The following ASTN2 variants were observed in gnomAD, a reference collection of about 807,000 sequenced individuals.
The protein encoded by ASTN2 is astrotactin 2.
A neutral mutation model predicts 139.8 loss-of-function variants in ASTN2; 54 were observed. That is an observed-to-expected ratio of 0.39 (90% CI 0.31 to 0.48). The LOEUF (loss-of-function observed/expected upper bound fraction) is 0.48, where lower values mean the gene tolerates loss of function less well. ASTN2 is among the 20% of genes least tolerant of loss of function. The probability of loss-of-function intolerance (pLI) is 0.95; values close to 1 mark genes in which losing one functional copy is unlikely to be tolerated. For synonymous variants in ASTN2, 756 were observed against 719.5 expected, an observed-to-expected ratio of 1.05 and a Z score of -0.81; for missense variants, 1,565 against 1,725.1, an observed-to-expected ratio of 0.91 and a Z score of 1.64.
chr9:117,374,369 T>TAAAAAAAAAAAAAAAAAAAAA (rs57428022), intron 1 of ASTN2, among the ~76,000 whole-genome samples: 2 of 87,328 alleles, frequency 2.3e-5, no homozygotes, highest in African/African-American at 1.1e-4. Flanking sequence ...AGGGCAGGGT[T>TAAAAAAAAAAAAAAAAAAAAA]AAAAAAAAAA....
chr9:117,331,867 T>C (rs2130850248), intron 1 of ASTN2, among the ~76,000 whole-genome samples: 2 of 152,240 alleles, frequency 1.3e-5, no homozygotes, highest in African/African-American at 4.8e-5. Flanking sequence ...AGAAAGATAA[T>C]TACCTTCCTC....
At position 116,917,614 on chromosome 9, in the gene ASTN2, A is replaced by G. The variant is rs551729275; in HGVS notation, c.1890-53881T>C. Among the ~76,000 whole-genome samples, 4 of 152,332 alleles carry G rather than the reference A, an allele frequency of 2.6e-5. No individual in the cohort carries two copies. The East Asian group carries it at 7.7e-4, about 29-fold the overall frequency. On this transcript the variant is annotated intron_variant, in intron 10 of 22. Transcript: ENST00000313400. ...CCTCATCCCAAACCCTCTACATAAG[A>G]ATCTGCAACTTGCCATGTTCTGGTC...
At chr9:116,594,221 C>T (rs989398845) in intron 19 of ASTN2, among the ~76,000 whole-genome samples, 1 of 152,216 alleles carries the variant, frequency 6.6e-6, no homozygotes, top group Non-Finnish European at 1.5e-5. Flanking sequence ...CATCCCTGTA[C>T]TGGCTTTTTC....
rs28561762 is a variant in ASTN2 at position 117,276,253 on chromosome 9, A to C, written c.630+15073T>G. ...CACTACTTTACATTTGAGGAAACCA[A>C]GGCTCAGGAGAAGGCAAGTAGCTAG... is the stretch of plus-strand genomic sequence containing the variant. On this transcript the variant is annotated intron_variant, in intron 2 of 22. Transcript: ENST00000313400. 7.7e-3 allele frequency among the ~76,000 whole-genome samples: 1,173 copies of C among 152,324 alleles called. 16 individuals carry two copies. Among genetic ancestry groups the C allele is most frequent in the African/African-American group, 0.026 (1,092 of 41,576 alleles).
At chr9:117,048,430 C>T (rs1235536675) in intron 5 of ASTN2, among the ~76,000 whole-genome samples, 6 of 152,182 alleles carry the variant, frequency 3.9e-5, no homozygotes, top group Non-Finnish European at 7.3e-5. Flanking sequence ...TTGACAAAGC[C>T]ACTGGGGAAC....
Position 117,042,863 on chromosome 9 carries a change from T to TTG in ASTN2, c.1277-2899_1277-2898insCA, listed in dbSNP as rs1564398266. Among the ~76,000 whole-genome samples the TTG allele has an allele frequency of 1.1e-3, 164 of 152,184 alleles. 1 individual carries two copies. The highest frequency in any genetic ancestry group is 3.8e-3 in the African/African-American group (159 of 41,512). On this transcript the variant is annotated intron_variant, in intron 5 of 22. Coordinates refer to ENST00000313400, the MANE Select transcript of ASTN2 (RefSeq NM_001365068.1). ...ACTGGAGTTTTTTGTTGTTGTTGTT[T>TTG]TTTGTTTTGCTTGTTTGCTTGTTTT...
intron 3 of ASTN2, among the ~76,000 whole-genome samples, chr9:117,186,932 T>C (rs539667160): frequency 1.1e-4 from 17 of 152,234 alleles, no homozygotes; most frequent in Non-Finnish European, 2.4e-4. Flanking sequence ...AGTTTGAGAC[T>C]GGCCTGGCCA....
intron 20 of ASTN2, among the ~76,000 whole-genome samples, chr9:116,480,101 G>A (rs569569157): frequency 5.0e-4 from 76 of 151,610 alleles, no homozygotes; most frequent in African/African-American, 1.8e-3. Flanking sequence ...AAGGAAGGAA[G>A]GATGGGTGAA....
At chr9:116,598,380 C>T (rs1854695837) in intron 19 of ASTN2, among the ~76,000 whole-genome samples, 1 of 152,178 alleles carries the variant, frequency 6.6e-6, no homozygotes, top group Non-Finnish European at 1.5e-5. Context: ...CCAGGAGACT[C>T]AGGGGAAGTT....
intron 16 of ASTN2, among the ~76,000 whole-genome samples, chr9:116,680,428 C>T (rs892027587): frequency 2.6e-5 from 4 of 152,068 alleles, no homozygotes; most frequent in African/African-American, 7.2e-5. Context: ...GATTCACAGC[C>T]GAATTCTACC....
intron 19 of ASTN2, among the ~76,000 whole-genome samples, chr9:116,527,567 A>T (rs1269215924): frequency 6.6e-6 from 1 of 152,210 alleles, no homozygotes; most frequent in African/African-American, 2.4e-5. Context: ...TACACTATTT[A>T]TGGGGATGGA....
At chr9:116,835,250 G>A (rs1318027291) in intron 11 of ASTN2, among the ~76,000 whole-genome samples, 2 of 152,010 alleles carry the variant, frequency 1.3e-5, no homozygotes, top group Non-Finnish European at 2.9e-5. Context: ...TCATCAGATG[G>A]GTTTATTTAA....
At chr9:116,985,694 G>A (rs927065770) in intron 7 of ASTN2, among the ~76,000 whole-genome samples, 1 of 152,214 alleles carries the variant, frequency 6.6e-6, no homozygotes, top group Non-Finnish European at 1.5e-5. Context: ...TAACAGCCTG[G>A]AATGGACACA....
chr9:116,562,960 C>CATAA (rs1348280357), intron 19 of ASTN2, among the ~76,000 whole-genome samples: 2 of 152,076 alleles, frequency 1.3e-5, no homozygotes, highest in Non-Finnish European at 2.9e-5. Context: ...CCAAGAGAGG[C>CATAA]ATAAGCCTTG....
At chr9:117,135,182 A>C (rs1007500071) in intron 4 of ASTN2, among the ~76,000 whole-genome samples, 1 of 152,228 alleles carries the variant, frequency 6.6e-6, no homozygotes, top group African/African-American at 2.4e-5. Flanking sequence ...AGTAGAGCTC[A>C]AGTCATCTGG....
chr9:117,283,644 C>A (rs1316220063), intron 2 of ASTN2, among the ~76,000 whole-genome samples: 1 of 152,134 alleles, frequency 6.6e-6, no homozygotes, highest in Non-Finnish European at 1.5e-5. Context: ...ATTTGTGCTG[C>A]ATGTATTACA....
Position 116,548,852 on chromosome 9 carries a change from G to A in ASTN2, c.3356-61352C>T, listed in dbSNP as rs147501696. On this transcript the variant is annotated intron_variant, in intron 19 of 22. Coordinates refer to ENST00000313400, the MANE Select transcript of ASTN2 (RefSeq NM_001365068.1). The stretch of plus-strand genomic sequence containing the variant: ...GAACTGGCTTGGTATAGGGGTCTGG[G>A]CAGCAGTACTTTTCAGAAGCTCAAT... Among the ~76,000 whole-genome samples the A allele has an allele frequency of 9.8e-3, 1,491 of 152,254 alleles. 11 individuals are homozygous for A. The highest frequency in any genetic ancestry group is 0.014 in the Non-Finnish European group (938 of 68,026).
intron 16 of ASTN2, among the ~76,000 whole-genome samples, chr9:116,672,751 T>C (rs1036420798): frequency 2.0e-5 from 3 of 152,208 alleles, no homozygotes. Context: ...TGCAAAAAGA[T>C]ACCAAGAATT....
intron 19 of ASTN2, among the ~76,000 whole-genome samples, chr9:116,603,475 TGA>T (rs1312818963): frequency 6.6e-6 from 1 of 152,046 alleles, no homozygotes; most frequent in Non-Finnish European, 1.5e-5. Context: ...ATCAAAGAAG[TGA>T]GAGACTGGAT....
Sources: allele counts gnomAD v4.1 joint callset (sites outside exome capture counted in the v4.1 genomes callset), GRCh38; gene constraint gnomAD v4.1.1; transcripts MANE v1.5; gene names NCBI Gene and HGNC (gene_info 2026-07-23, HGNC 2026-07-21).